SPTA1: variants seen among roughly 807,000 people sequenced by gnomAD.
SPTA1 encodes spectrin alpha chain, erythrocytic 1.
Under a neutral mutation model 324.7 loss-of-function variants are expected in SPTA1, and 177 were observed. The ratio of observed to expected loss-of-function variants is 0.55; its 90% CI spans 0.48 to 0.62. The LOEUF is 0.62. Ranked by LOEUF, SPTA1 falls within the 20% of genes least tolerant of loss-of-function variation. SPTA1 has a pLI of 0.00. For synonymous variants in SPTA1, 1,195 were observed against 1,041.3 expected (o/e 1.15, Z -2.84); for missense variants, 3,162 against 2,883.6 (o/e 1.10, Z -2.21).
rs1023106057 is a variant in SPTA1, at chr1:158,651,796, A to G, written c.3376-328T>C. 1.1e-4 allele frequency among the ~76,000 whole-genome samples: 16 copies of G among 152,048 alleles called. 1 individual carries two copies. The highest frequency in any genetic ancestry group is 2.9e-4 in the African/African-American group (12 of 41,406). On this transcript the variant is annotated intron_variant, in intron 23 of 51. Coordinates refer to ENST00000643759, the MANE Select transcript of SPTA1 (RefSeq NM_003126.4). ...CTGTGTAACATCCTTTTCTACCAGT[A>G]CAAACTCCAGCTTTAAAGATTTCTT...
rs12088990 is a variant in SPTA1 at position 158,626,734 on chromosome 1, A to G, written c.5833+105T>C. ...AAGGATAGGAATGGGTAGTGATGGA[A>G]ACACCTCCTTTCATACAGTAAAAGT... On this transcript the variant is annotated intron_variant, in intron 41 of 51. Coordinates refer to ENST00000643759, the MANE Select transcript of SPTA1 (RefSeq NM_003126.4). The G allele has an allele frequency of 0.27, 390,900 of 1,451,762 alleles. 54,313 individuals carry two copies. Among genetic ancestry groups the G allele is most frequent in the Non-Finnish European group, 0.28 (292,002 of 1,038,212 alleles). The allele number at this position is 1,451,762 out of a possible 1,614,324, so 89.9% of individuals were successfully genotyped here. A position where few individuals can be genotyped will look rare whatever the true frequency, so the allele number is the denominator to read the frequency against.
At chr1:158,655,627 G>C (rs576299191) in intron 20 of SPTA1, among the ~76,000 whole-genome samples, 9 of 152,198 alleles carry the variant, frequency 5.9e-5, no homozygotes, top group Non-Finnish European at 1.0e-4. Flanking sequence ...TTGACAGACT[G>C]AGTCTACGTC....
chr1:158,657,627 A>G lies in SPTA1; in HGVS notation c.2655T>C (p.Arg885=), dbSNP rs368544526. 1.7e-4 allele frequency: 272 copies of G among 1,614,150 alleles called. 1 individual carries two copies. The African/African-American group carries it at 3.3e-3, about 20-fold the overall frequency. ...KSLNQNMESL[R]ARAARRQNDL... ...CATTTTGTCGCCTAGCAGCTCGAGC[A>G]CGGAGAGACTCCATATTCTGGTTCA... is the stretch of plus-strand genomic sequence containing the variant. The change falls in exon 19 of 52, where the codon CGT becomes CGC. Residue 885 remains arginine, a synonymous_variant. Coordinates refer to ENST00000643759, the MANE Select transcript of SPTA1 (RefSeq NM_003126.4).
At chr1:158,634,478 C>CT in intron 39 of SPTA1, 65 bp downstream of exon 39, 1 of 1,603,482 alleles carries the variant, frequency 6.2e-7, no homozygotes. Context: ...GGTAAAAACA[C>CT]TGACTACCCA....
chr1:158,676,067 C>G, intron 8 of SPTA1, 74 bp downstream of exon 8: 1 of 1,600,514 alleles, frequency 6.2e-7, no homozygotes, highest in East Asian at 2.2e-5. Context: ...TCCCTTTACT[C>G]TTATTTCTTC....
At chr1:158,663,596 C>T (rs111627428) in intron 16 of SPTA1, among the ~76,000 whole-genome samples, 330 of 152,238 alleles carry the variant, frequency 2.2e-3, no homozygotes, top group African/African-American at 7.8e-3. Flanking sequence ...ACAATAGGTA[C>T]ACTACATTTT....
intron 25 of SPTA1, 98 bp from the exon 26 acceptor site, chr1:158,648,751 T>A: frequency 7.6e-7 from 1 of 1,311,366 alleles, no homozygotes; most frequent in South Asian, 1.3e-5. Flanking sequence ...CCACTCACCA[T>A]CCTCCCACCC....
intron 42 of SPTA1, 47 bp downstream of exon 42, chr1:158,626,099 T>G (rs1330786292): frequency 6.6e-7 from 1 of 1,526,610 alleles, no homozygotes; most frequent in South Asian, 1.1e-5. Flanking sequence ...AGGATGAGCT[T>G]CTGTGTGAAT....
At chr1:158,612,668 G>T in intron 51 of SPTA1, 149 bp downstream of exon 51, 1 of 819,520 alleles carries the variant, frequency 1.2e-6, no homozygotes. Context: ...AAATGAAGTG[G>T]TTACCAAAGC....
In SPTA1 at chr1:158,615,408, A is replaced by G. The variant is rs1233535563; in HGVS notation, c.6601-5T>C. 1 of 1,613,910 alleles carries G rather than the reference A, an allele frequency of 6.2e-7. No individual in the cohort carries two copies. Among genetic ancestry groups the G allele is most frequent in the Non-Finnish European group, 8.5e-7 (1 of 1,179,902 alleles). On this transcript the variant is annotated splice_region_variant and splice_polypyrimidine_tract_variant and intron_variant, in intron 47 of 51. Transcript: ENST00000643759. ...CTGGATCTCCTTCTGTTTTCTCTGGAAAAACGACAGAGAAGAGAGACAATT... is the reference window on the plus strand; with the variant it reads ...CTGGATCTCCTTCTGTTTTCTCTGGGAAAACGACAGAGAAGAGAGACAATT...
chr1:158,677,011 CTG>C (rs1451761405), intron 7 of SPTA1, among the ~76,000 whole-genome samples: 11 of 152,244 alleles, frequency 7.2e-5, no homozygotes, highest in Admixed American at 6.6e-4. Context: ...TTTGCAGAAA[CTG>C]GACACAGGGA....
Position 158,677,808 on chromosome 1 carries a change from A to T in SPTA1, c.839T>A (p.Ile280Asn), listed in dbSNP as rs778184961. The T allele has an allele frequency of 6.2e-7, 1 of 1,613,630 alleles. No individual in the cohort carries two copies. Among genetic ancestry groups the T allele is most frequent in the South Asian group, 1.1e-5 (1 of 91,072 alleles). Reference protein sequence around the residue: ...KRDVTEAIQWIKEKEPVLTSE... With the variant: ...KRDVTEAIQWNKEKEPVLTSE... ...GGTGAGTACAGGTTCCTTCTCCTTG[A>T]TCCACTGGATGGCTTCAGTCACATC... Residue 280 changes from isoleucine to asparagine, a missense_variant, in exon 7 of 52, where the codon ATC becomes AAC. Coordinates refer to ENST00000643759, the MANE Select transcript of SPTA1 (RefSeq NM_003126.4).
chr1:158,650,066 T>C, intron 24 of SPTA1, 119 bp from the exon 25 acceptor site: 2 of 768,994 alleles, frequency 2.6e-6, no homozygotes, highest in Admixed American at 4.2e-5. Flanking sequence ...CTTCAGAAAT[T>C]GCATAGCTTT....
chr1:158,668,036 A>C lies in SPTA1; in HGVS notation c.1860T>G (p.Val620=), dbSNP rs1653734198. ...CCTTTTCAAAGACTTGCTGCTTTTG[A>C]ACCCTGCTCTTCAAGTTCTGTATGT... ...YKDIQNLKSR[V]QKQQVFEKEL... is the part of the protein sequence containing the mutation. Residue 620 remains valine (V), a synonymous_variant, in exon 15 of 52, where the codon GTT becomes GTG. Coordinates refer to ENST00000643759, the MANE Select transcript of SPTA1 (RefSeq NM_003126.4). 1 of 1,612,320 alleles carries C rather than the reference A, an allele frequency of 6.2e-7. No homozygotes were observed. The highest frequency in any genetic ancestry group is 8.5e-7 in the Non-Finnish European group (1 of 1,179,788).
chr1:158,674,965 T>C (rs1253396770), intron 8 of SPTA1, among the ~76,000 whole-genome samples: 1 of 152,006 alleles, frequency 6.6e-6, no homozygotes, highest in Admixed American at 6.6e-5. Context: ...TAGAGGTACT[T>C]AAAATGGAGT....
At chr1:158,684,107 A>C (rs957352702) in intron 2 of SPTA1, among the ~76,000 whole-genome samples, 4 of 150,694 alleles carry the variant, frequency 2.7e-5, no homozygotes, top group African/African-American at 9.8e-5. Flanking sequence ...AAAAAAAAAA[A>C]CTCTGGTTAA....
intron 10 of SPTA1, 69 bp from the exon 11 acceptor site, chr1:158,672,265 A>G: frequency 6.8e-7 from 1 of 1,479,752 alleles, no homozygotes. Flanking sequence ...TATTGAGCAT[A>G]TAATAAATGC....
chr1:158,643,254 C>G, intron 31 of SPTA1, 68 bp downstream of exon 31: 2 of 1,559,400 alleles, frequency 1.3e-6, no homozygotes, highest in Non-Finnish European at 1.8e-6. Flanking sequence ...TCCCCCATCT[C>G]AATGCTAGCA....
At chr1:158,673,540 T>C (rs966020519) in intron 10 of SPTA1, among the ~76,000 whole-genome samples, 1 of 152,294 alleles carries the variant, frequency 6.6e-6, no homozygotes, top group African/African-American at 2.4e-5. Flanking sequence ...AATTTGAAAA[T>C]CACAGATGCA....
Sources: allele counts gnomAD v4.1 joint callset (sites outside exome capture counted in the v4.1 genomes callset), GRCh38; gene constraint gnomAD v4.1.1; transcripts MANE v1.5; gene names NCBI Gene and HGNC (gene_info 2026-07-23, HGNC 2026-07-21).